EBF1: variants seen among roughly 807,000 people sequenced by gnomAD.
EBF1 encodes transcription factor COE1.
Under a neutral mutation model 68.4 loss-of-function variants are expected in EBF1, and 10 were observed. The ratio of observed to expected loss-of-function variants is 0.15; its 90% CI spans 0.09 to 0.25. EBF1 has a LOEUF of 0.25. EBF1 is among the 10% of genes least tolerant of loss of function. The pLI, the probability that EBF1 is intolerant of heterozygous loss-of-function variation, is 1.00. For missense variants in EBF1, 509 were observed against 794.4 expected (o/e 0.64, Z 4.32); for synonymous variants, 298 against 299.8 (o/e 0.99, Z 0.06).
At chr5:158,759,744 T>C (rs1449394941) in intron 10 of EBF1, among the ~76,000 whole-genome samples, 1 of 152,132 alleles carries the variant, frequency 6.6e-6, no homozygotes, top group African/African-American at 2.4e-5. Flanking sequence ...CTTTTGCCAA[T>C]CTGATTATTA....
intron 10 of EBF1, among the ~76,000 whole-genome samples, chr5:158,772,162 C>T (rs916986105): frequency 2.6e-5 from 4 of 152,108 alleles, no homozygotes; most frequent in Non-Finnish European, 4.4e-5. Context: ...CTATTCAGAG[C>T]GTACTGTGAC....
intron 6 of EBF1, among the ~76,000 whole-genome samples, chr5:158,843,889 G>T (rs989734797): frequency 6.6e-6 from 1 of 152,140 alleles, no homozygotes; most frequent in Non-Finnish European, 1.5e-5. Context: ...TTTGTAAACC[G>T]GGGGACATGT....
At chr5:159,012,729 C>A (rs964574293) in intron 6 of EBF1, among the ~76,000 whole-genome samples, 2 of 152,118 alleles carry the variant, frequency 1.3e-5, no homozygotes, top group Non-Finnish European at 2.9e-5. Flanking sequence ...AAACTCCTAG[C>A]CTCAGGCAAT....
chr5:159,099,067 T>C (rs367939937), intron 1 of EBF1, among the ~76,000 whole-genome samples: 6 of 152,260 alleles, frequency 3.9e-5, no homozygotes, highest in African/African-American at 1.4e-4. Flanking sequence ...AGACGCCTCT[T>C]CTGGGTTAAA....
intron 6 of EBF1, among the ~76,000 whole-genome samples, chr5:158,871,995 C>T (rs1436192267): frequency 6.6e-6 from 1 of 152,178 alleles, no homozygotes; most frequent in Non-Finnish European, 1.5e-5. Context: ...GGAATTGCAG[C>T]CATGGCTTTT....
At chr5:158,948,116 GT>G (rs1369234096) in intron 6 of EBF1, among the ~76,000 whole-genome samples, 2 of 152,234 alleles carry the variant, frequency 1.3e-5, no homozygotes, top group African/African-American at 4.8e-5. Flanking sequence ...AGAGATTCCA[GT>G]TTTTCCTGCA....
At chr5:158,782,548 C>G (rs563055461) in intron 9 of EBF1, among the ~76,000 whole-genome samples, 1 of 152,202 alleles carries the variant, frequency 6.6e-6, no homozygotes, top group Non-Finnish European at 1.5e-5. Context: ...GTAGTCCCAG[C>G]TACTTGGGAG....
chr5:158,989,548 A>G (rs1375766788), intron 6 of EBF1, among the ~76,000 whole-genome samples: 1 of 152,242 alleles, frequency 6.6e-6, no homozygotes, highest in Non-Finnish European at 1.5e-5. Flanking sequence ...CAAGGCAGAC[A>G]GAAACCTGGC....
chr5:158,740,281 G>A (rs1766052547), intron 10 of EBF1, among the ~76,000 whole-genome samples: 1 of 152,154 alleles, frequency 6.6e-6, no homozygotes, highest in Non-Finnish European at 1.5e-5. Flanking sequence ...CCTTCCCTGA[G>A]CCTTGTGCTA....
chr5:159,097,816 A>T (rs902327367), intron 1 of EBF1, among the ~76,000 whole-genome samples: 1 of 152,208 alleles, frequency 6.6e-6, no homozygotes, highest in African/African-American at 2.4e-5. Context: ...TCATTCCAGA[A>T]ATCCTAAAGG....
chr5:158,830,072 T>C (rs1787173041), intron 7 of EBF1, among the ~76,000 whole-genome samples: 3 of 152,182 alleles, frequency 2.0e-5, no homozygotes, highest in Admixed American at 2.0e-4. Context: ...AGGAGGTTCA[T>C]AGGAGAAAAT....
intron 6 of EBF1, among the ~76,000 whole-genome samples, chr5:158,875,056 T>TACACACACACACACACAC (rs3035121): frequency 6.8e-6 from 1 of 147,302 alleles, no homozygotes; most frequent in Non-Finnish European, 1.5e-5. Context: ...CACACACACA[T>TACACACACACACACACAC]ACACACACAC....
intron 6 of EBF1, among the ~76,000 whole-genome samples, chr5:158,992,323 T>A (rs566784299): frequency 1.3e-5 from 2 of 152,086 alleles, no homozygotes; most frequent in South Asian, 2.1e-4. Context: ...CTTTCCCTAA[T>A]GATTTTTTTT....
intron 6 of EBF1, among the ~76,000 whole-genome samples, chr5:158,976,947 A>G (rs1373583872): frequency 1.3e-5 from 2 of 152,198 alleles, no homozygotes; most frequent in Non-Finnish European, 2.9e-5. Flanking sequence ...CTCTCAGTTC[A>G]ATTCATTTTC....
At chr5:158,985,793 C>T (rs540419320) in intron 6 of EBF1, 1 of 152,360 alleles carries the variant, frequency 6.6e-6, no homozygotes, top group Admixed American at 6.5e-5. Flanking sequence ...AGTCTAAAGT[C>T]AGAAAGCCTG....
intron 6 of EBF1, among the ~76,000 whole-genome samples, chr5:158,894,176 A>C (rs1801731106): frequency 6.6e-6 from 1 of 152,204 alleles, no homozygotes; most frequent in South Asian, 2.1e-4. Flanking sequence ...CAAACATGGC[A>C]GAGTCCACAG....
chr5:158,957,528 A>G (rs1236286461), intron 6 of EBF1, among the ~76,000 whole-genome samples: 2 of 152,240 alleles, frequency 1.3e-5, no homozygotes, highest in African/African-American at 4.8e-5. Context: ...CTCTCTGAAC[A>G]TTTTATCTCC....
intron 6 of EBF1, among the ~76,000 whole-genome samples, chr5:158,848,730 A>G (rs765167149): frequency 3.9e-5 from 6 of 152,246 alleles, no homozygotes; most frequent in Non-Finnish European, 8.8e-5. Context: ...CTCCTTGTTC[A>G]GTACATATGT....
rs186839386 is a variant in EBF1, at chr5:158,809,888, C to T, written c.778+13288G>A. Among the ~76,000 whole-genome samples the T allele has an allele frequency of 1.2e-4, 19 of 152,226 alleles. No homozygotes were observed. The East Asian group carries it at 2.3e-3, about 19-fold the overall frequency. ...ATGGTCTTCACTATAGAATGTTGCA[C>T]GTATCATGAAAATAATAACAATTTA... On this transcript the variant is annotated intron_variant, in intron 8 of 15. Coordinates refer to ENST00000313708, the MANE Select transcript of EBF1 (RefSeq NM_024007.5).
Sources: allele counts gnomAD v4.1 joint callset (sites outside exome capture counted in the v4.1 genomes callset), GRCh38; gene constraint gnomAD v4.1.1; transcripts MANE v1.5; gene names NCBI Gene and HGNC (gene_info 2026-07-23, HGNC 2026-07-21).